The following ACOT12 variants were observed in gnomAD, a reference collection of about 807,000 sequenced individuals.
ACOT12 encodes the protein acetyl-coenzyme A thioesterase.
In ACOT12, 51 loss-of-function variants were observed where a neutral mutation model predicts 67.7. The ratio of observed to expected loss-of-function variants is 0.75; its 90% CI spans 0.60 to 0.95. ACOT12 has a LOEUF of 0.95. Among genes scored for constraint, ACOT12 ranks in the 40% least tolerant of loss-of-function variants. The pLI, the probability that ACOT12 is intolerant of heterozygous loss-of-function variation, is 0.00. For synonymous variants in ACOT12, 251 were observed against 244.6 expected (o/e 1.03, Z -0.24); for missense variants, 734 against 708.1 (o/e 1.04, Z -0.41).
At chr5:81,340,308 A>AT (rs1759152278) in intron 11 of ACOT12, among the ~76,000 whole-genome samples, 1 of 151,478 alleles carries the variant, frequency 6.6e-6, no homozygotes, top group Non-Finnish European at 1.5e-5. Flanking sequence ...AACTGCTGGG[A>AT]TTACAGGTGT....
chr5:81,338,260 G>T (rs1759069309), intron 11 of ACOT12, among the ~76,000 whole-genome samples: 1 of 152,168 alleles, frequency 6.6e-6, no homozygotes, highest in South Asian at 2.1e-4. Flanking sequence ...AACTGATATG[G>T]ATTGGATTTG....
chr5:81,329,491 G>A (rs138986821), downstream of ACOT12, among the ~76,000 whole-genome samples: 245 of 152,278 alleles, frequency 1.6e-3, 1 homozygote, highest in African/African-American at 5.5e-3. Context: ...GATGGGTGAG[G>A]GTTGGTAGGG....
intron 2 of ACOT12, among the ~76,000 whole-genome samples, chr5:81,379,004 C>T (rs951143876): frequency 6.6e-6 from 1 of 152,146 alleles, no homozygotes. Flanking sequence ...GATTATAAAT[C>T]ATTCTACTAT....
At chr5:81,308,876 TTAAAA>T in the ACOT12 span, 1 of 1,446,284 alleles carries the variant, frequency 6.9e-7, no homozygotes, top group Non-Finnish European at 9.4e-7. Context: ...TCAGAGTATT[TTAAAA>T]TAATGTTAAT....
chr5:81,361,842 G>A (rs543487745), intron 4 of ACOT12, among the ~76,000 whole-genome samples: 2 of 152,164 alleles, frequency 1.3e-5, no homozygotes, highest in East Asian at 3.9e-4. Flanking sequence ...GTTAATCATT[G>A]CCAATTTCTT....
At chr5:81,377,038 A>G (rs1454826699) in intron 2 of ACOT12, among the ~76,000 whole-genome samples, 1 of 152,204 alleles carries the variant, frequency 6.6e-6, no homozygotes, top group Non-Finnish European at 1.5e-5. Context: ...CACAATAAAA[A>G]AAGAAAATTT....
At chr5:81,311,245 T>A in the ACOT12 span, 1 of 1,614,078 alleles carries the variant, frequency 6.2e-7, no homozygotes, top group Non-Finnish European at 8.5e-7. Context: ...CTGTGGAACA[T>A]TTAAAGAAAG....
rs544734080 is a variant in ACOT12, at chr5:81,359,572, C to T, written c.496+331G>A. On this transcript the variant is annotated intron_variant, in intron 5 of 14. Coordinates refer to ENST00000307624, the MANE Select transcript of ACOT12 (RefSeq NM_130767.3). ...GGACGAGAAACTGCTTAGTAAGCCA[C>T]GAAGCACCGTGTCAATGTATGGCAT... Among the ~76,000 whole-genome samples the T allele has an allele frequency of 8.5e-5, 13 of 152,328 alleles. No homozygotes were observed. In the South Asian group the frequency reaches 2.3e-3, roughly 27 times the overall value.
the ACOT12 span, chr5:81,311,427 G>A: frequency 1.2e-6 from 1 of 856,432 alleles, no homozygotes; most frequent in Non-Finnish European, 1.9e-6. Flanking sequence ...ATCTCTGTCA[G>A]CAATAGACAC....
At chr5:81,358,386 C>A (rs1192946535) in intron 5 of ACOT12, among the ~76,000 whole-genome samples, 1 of 152,148 alleles carries the variant, frequency 6.6e-6, no homozygotes, top group Non-Finnish European at 1.5e-5. Context: ...GGTTGTCTCA[C>A]CTGCCTCAGG....
the ACOT12 span, among the ~76,000 whole-genome samples, chr5:81,321,913 C>A: frequency 6.6e-6 from 1 of 151,806 alleles, no homozygotes; most frequent in Non-Finnish European, 1.5e-5. Flanking sequence ...TGCCACTGCA[C>A]TCCAGCCTGG....
chr5:81,375,648 C>A (rs1380917194), intron 2 of ACOT12, among the ~76,000 whole-genome samples: 6 of 151,090 alleles, frequency 4.0e-5, no homozygotes, highest in African/African-American at 1.5e-4. Context: ...GGAATATTTA[C>A]CAAGCAAATG....
At chr5:81,309,599 C>T in the ACOT12 span, among the ~76,000 whole-genome samples, 1 of 152,302 alleles carries the variant, frequency 6.6e-6, no homozygotes, top group South Asian at 2.1e-4. Context: ...TGGCTGGTGC[C>T]ATCAGGCTCT....
intron 7 of ACOT12, 127 bp from the exon 8 acceptor site, chr5:81,345,168 G>A: frequency 7.8e-7 from 1 of 1,274,322 alleles, no homozygotes. Flanking sequence ...TAAGGGCCTG[G>A]GTTTTCTTGT....
At chr5:81,369,561 G>A (rs1347872510) in intron 3 of ACOT12, among the ~76,000 whole-genome samples, 1 of 152,216 alleles carries the variant, frequency 6.6e-6, no homozygotes, top group Admixed American at 6.5e-5. Context: ...GCCTGGTCAT[G>A]ATTTGCAGAA....
At chr5:81,380,664 T>C (rs1184556901) in intron 2 of ACOT12, among the ~76,000 whole-genome samples, 1 of 152,062 alleles carries the variant, frequency 6.6e-6, no homozygotes, top group Non-Finnish European at 1.5e-5. Flanking sequence ...AAATATTATT[T>C]GTAATAGCAA....
At chr5:81,323,282 C>T in the ACOT12 span, among the ~76,000 whole-genome samples, 102 of 152,212 alleles carry the variant, frequency 6.7e-4, no homozygotes, top group African/African-American at 2.3e-3. Context: ...GGTCAGAGAT[C>T]TAGGCTGGGC....
chr5:81,308,613 C>A, the ACOT12 span: 1 of 1,613,740 alleles, frequency 6.2e-7, no homozygotes, highest in Non-Finnish European at 8.5e-7. Flanking sequence ...TGCCCCGCCG[C>A]CCTTGAAAAT....
At position 81,347,859 on chromosome 5, in the gene ACOT12, G is replaced by C. The variant is rs1457856551; in HGVS notation, c.568C>G (p.Leu190Val). 25 of 1,614,160 alleles carry C rather than the reference G, an allele frequency of 1.5e-5. No homozygotes were observed. Among genetic ancestry groups the C allele is most frequent in the Non-Finnish European group, 2.1e-5 (25 of 1,180,014 alleles). ...CCGTGATGGTTTGCATGGGGTGGGA[G>C]GACCAGTTCAATGCTCTGAACGGAG... ...GTSVQSIELV[L>V]PPHANHHGNT... The change falls in exon 6 of 15, where the codon CTC becomes GTC. Residue 190 changes from leucine (L) to valine (V), a missense_variant. Coordinates refer to ENST00000307624, the MANE Select transcript of ACOT12 (RefSeq NM_130767.3).
Sources: allele counts gnomAD v4.1 joint callset (sites outside exome capture counted in the v4.1 genomes callset), GRCh38; gene constraint gnomAD v4.1.1; transcripts MANE v1.5; gene names NCBI Gene and HGNC (gene_info 2026-07-23, HGNC 2026-07-21).